The following RTL4 variants were observed in gnomAD, a reference collection of about 807,000 sequenced individuals.
RTL4 encodes the protein retrotransposon Gag-like protein 4.
A neutral mutation model predicts 5.3 loss-of-function variants in RTL4; 4 were observed. The ratio of observed to expected loss-of-function variants is 0.75; its 90% CI spans 0.37 to 1.72. RTL4 has a LOEUF of 1.72. RTL4 is among the 40% of genes most tolerant of loss of function. The pLI is 0.04. For missense variants in RTL4, 260 were observed against 227.1 expected (o/e 1.14, Z -0.93); for synonymous variants, 98 against 87.3 (o/e 1.12, Z -0.68).
At chrX:112,435,661 C>T in the RTL4 span, among the ~76,000 whole-genome samples, 1 of 111,525 alleles carries the variant, frequency 9.0e-6, no homozygotes, top group African/African-American at 3.3e-5. Flanking sequence ...GAAGGTAAAG[C>T]TCAAGAAAAA....
At chrX:112,083,033 G>T in the RTL4 span, among the ~76,000 whole-genome samples, 7 of 110,104 alleles carry the variant, frequency 6.4e-5, no homozygotes, top group Middle Eastern at 9.4e-3. Flanking sequence ...TTGCAGCTCC[G>T]CGGCCAGGGG....
chrX:112,192,168 T>C, the RTL4 span, among the ~76,000 whole-genome samples: 1 of 108,413 alleles, frequency 9.2e-6, no homozygotes, highest in Admixed American at 9.9e-5. Flanking sequence ...GTGGATTCTT[T>C]AGGTTTTTCT....
chrX:112,189,142 C>T, the RTL4 span, among the ~76,000 whole-genome samples: 1 of 111,063 alleles, frequency 9.0e-6, no homozygotes, highest in South Asian at 3.8e-4. Flanking sequence ...ACCTATAATC[C>T]CAGCAGTTTG....
chrX:112,089,564 G>A, the RTL4 span, among the ~76,000 whole-genome samples: 3 of 110,933 alleles, frequency 2.7e-5, no homozygotes, highest in Non-Finnish European at 1.9e-5. Flanking sequence ...AGACATATGG[G>A]CTTATTTTTG....
the RTL4 span, among the ~76,000 whole-genome samples, chrX:112,267,205 C>T: frequency 1.8e-5 from 2 of 111,780 alleles, no homozygotes; most frequent in Non-Finnish European, 3.8e-5. Context: ...CTTACTGTCC[C>T]CAATTTTCTT....
At chrX:112,364,230 TA>T in the RTL4 span, among the ~76,000 whole-genome samples, 1 of 111,654 alleles carries the variant, frequency 9.0e-6, no homozygotes, top group African/African-American at 3.2e-5. Context: ...CCCAAGACTG[TA>T]ATTACAGTGA....
At chrX:112,112,762 G>A in the RTL4 span, among the ~76,000 whole-genome samples, 2 of 111,603 alleles carry the variant, frequency 1.8e-5, no homozygotes, top group African/African-American at 3.3e-5. Flanking sequence ...AACAGATGAG[G>A]GCTATCCCTA....
the RTL4 span, among the ~76,000 whole-genome samples, chrX:112,282,040 C>T: frequency 1.6e-3 from 175 of 111,980 alleles, 3 homozygotes; most frequent in South Asian, 0.062. Context: ...CTTTTGTGGT[C>T]ATATCCAAAA....
At chrX:112,240,236 T>C in the RTL4 span, among the ~76,000 whole-genome samples, 2 of 111,170 alleles carry the variant, frequency 1.8e-5, no homozygotes, top group Non-Finnish European at 3.8e-5. Context: ...ATCAGTAAAC[T>C]CAGAGACAGA....
At chrX:112,278,638 T>C in the RTL4 span, among the ~76,000 whole-genome samples, 2 of 111,577 alleles carry the variant, frequency 1.8e-5, no homozygotes, top group African/African-American at 6.5e-5. Context: ...AAATTCTCAG[T>C]CAACAATCCC....
At chrX:112,185,612 A>ATC in the RTL4 span, among the ~76,000 whole-genome samples, 2 of 105,585 alleles carry the variant, frequency 1.9e-5, no homozygotes, top group Non-Finnish European at 3.9e-5. Flanking sequence ...ATGGTGGTTA[A>ATC]TCTCTCTCTC....
chrX:112,201,973 TTGTGTGTGTGTG>T, the RTL4 span, among the ~76,000 whole-genome samples: 1 of 103,399 alleles, frequency 9.7e-6, no homozygotes, highest in Non-Finnish European at 2.0e-5. Flanking sequence ...TTGTGTGTGT[TTGTGTGTGTGTG>T]TGTGTGTGTG....
At chrX:112,428,006 A>G in the RTL4 span, among the ~76,000 whole-genome samples, 2 of 110,951 alleles carry the variant, frequency 1.8e-5, no homozygotes, top group African/African-American at 6.5e-5. Flanking sequence ...CCCACTTGTA[A>G]GTGAGAACAT....
At chrX:112,282,387 C>A in the RTL4 span, among the ~76,000 whole-genome samples, 1 of 111,832 alleles carries the variant, frequency 8.9e-6, no homozygotes, top group Admixed American at 9.5e-5. Context: ...ATTTCTATAG[C>A]CTTGTAGTAT....
chrX:112,100,104 AC>A, the RTL4 span, among the ~76,000 whole-genome samples: 1 of 111,741 alleles, frequency 8.9e-6, no homozygotes, highest in Non-Finnish European at 1.9e-5. Flanking sequence ...CAAGAAGAAA[AC>A]CAGAAGAAAA....
the RTL4 span, among the ~76,000 whole-genome samples, chrX:112,097,469 C>CTACAAAAAA: frequency 3.6e-5 from 4 of 110,475 alleles, no homozygotes; most frequent in Non-Finnish European, 7.6e-5. Context: ...AGCCTCACCT[C>CTACAAAAAA]TACAAAAAAT....
chrX:112,348,280 A>G, the RTL4 span, among the ~76,000 whole-genome samples: 1 of 109,870 alleles, frequency 9.1e-6, no homozygotes, highest in Non-Finnish European at 1.9e-5. Flanking sequence ...CAATTCCTTT[A>G]GCAGTTAGGC....
the RTL4 span, among the ~76,000 whole-genome samples, chrX:112,313,607 CCTCT>C: frequency 0.22 from 22,380 of 100,934 alleles, 1,981 homozygotes; most frequent in Admixed American, 0.32. Context: ...TGCTTCAGAA[CCTCT>C]CTCTCTCTCT....
At chrX:112,304,252 A>G in the RTL4 span, among the ~76,000 whole-genome samples, 1 of 110,984 alleles carries the variant, frequency 9.0e-6, no homozygotes, top group East Asian at 2.8e-4. Flanking sequence ...ATGGAAGAGT[A>G]GCCAAAGATG....
Sources: allele counts gnomAD v4.1 joint callset (sites outside exome capture counted in the v4.1 genomes callset), GRCh38; gene constraint gnomAD v4.1.1; transcripts MANE v1.5; gene names NCBI Gene and HGNC (gene_info 2026-07-23, HGNC 2026-07-21).